Variants in RIOK3 observed in about 807,000 individuals in gnomAD.
The protein encoded by RIOK3 is RIO kinase 3, also known as serine/threonine-protein kinase RIO3.
Under a neutral mutation model 63.5 loss-of-function variants are expected in RIOK3, and 40 were observed. The observed-to-expected ratio is 0.63, with a 90% CI of 0.49 to 0.82. The LOEUF is 0.82. Ranked by LOEUF, RIOK3 falls within the 40% of genes least tolerant of loss-of-function variation. RIOK3 has a pLI of 0.00. For missense variants in RIOK3, 557 were observed against 637.0 expected (o/e 0.87, Z 1.35); for synonymous variants, 193 against 205.0 (o/e 0.94, Z 0.50).
At chr18:23,462,928 T>C in intron 1 of RIOK3, 36 bp from the exon 2 acceptor site, 1 of 913,404 alleles carries the variant, frequency 1.1e-6, no homozygotes, top group South Asian at 2.2e-5. Context: ...TATTTCATTA[T>C]GATGAATTGA....
At chr18:23,477,154 C>A in intron 10 of RIOK3, 25 bp from the exon 11 acceptor site, 1 of 1,607,170 alleles carries the variant, frequency 6.2e-7, no homozygotes, top group South Asian at 1.1e-5. Flanking sequence ...GTAAATACAT[C>A]AGTTCATGTT....
chr18:23,462,157 T>TTG (rs1555755481), intron 1 of RIOK3, among the ~76,000 whole-genome samples: 2 of 146,856 alleles, frequency 1.4e-5, no homozygotes, highest in East Asian at 2.0e-4. Context: ...TTTTTTTTTT[T>TTG]GGCAGGGGGT....
In RIOK3 at chr18:23,479,425, G is replaced by A; in HGVS notation, c.1452+1G>A. 6.3e-7 allele frequency: 1 copy of A among 1,598,808 alleles called. No homozygotes were observed. Among genetic ancestry groups the A allele is most frequent in the Non-Finnish European group, 8.6e-7 (1 of 1,166,290 alleles). On this transcript the variant is annotated splice_donor_variant, in intron 12 of 12. Coordinates refer to ENST00000339486, the MANE Select transcript of RIOK3 (RefSeq NM_003831.5). LOFTEE classifies it high-confidence loss of function. ...TAATGAAGCTGATTTTTTAGCTGAG[G>A]TATGTGATAAACAGCTGTTTTTCAC...
In RIOK3 at chr18:23,453,454, A is replaced by G. The variant is rs759255616; in HGVS notation, c.15A>G (p.Gly5=). Residue 5 remains glycine (G), a synonymous_variant, in exon 1 of 13, where the codon GGA becomes GGG. Coordinates refer to ENST00000339486, the MANE Select transcript of RIOK3 (RefSeq NM_003831.5). The stretch of plus-strand genomic sequence containing the variant: ...TTCATTCCCGAATGGATCTGGTAGG[A>G]GTGGCATCGCCTGAGCCCGGGACGG... MDLV[G]VASPEPGTAA... 20 of 1,613,518 alleles carry G rather than the reference A, an allele frequency of 1.2e-5. No individual in the cohort carries two copies. The highest frequency in any genetic ancestry group is 1.6e-5 in the Non-Finnish European group (19 of 1,179,780).
At chr18:23,480,611 G>T (rs1216271735) in intron 12 of RIOK3, among the ~76,000 whole-genome samples, 1 of 122,436 alleles carries the variant, frequency 8.2e-6, no homozygotes, top group Admixed American at 8.1e-5. Context: ...CAACTCAAAG[G>T]CAGAATCATT....
chr18:23,464,295 G>C lies in RIOK3; in HGVS notation c.415G>C (p.Asp139His). ...EDEVDWQDTRDDPYRPAKPVP... is the reference protein window; with the variant it reads ...EDEVDWQDTRHDPYRPAKPVP... ...TGAGGTTGACTGGCAGGATACTCGT[G>C]ATGATCCCTACAGACCAGGTACCAA... The change falls in exon 4 of 13, where the codon GAT (aspartate) becomes CAT (histidine). Residue 139 changes from aspartate to histidine, a missense_variant. By Grantham distance (81) the Asp-to-His change is moderately conservative. Transcript: ENST00000339486. 6.2e-7 allele frequency: 1 copy of C among 1,613,812 alleles called. No individual in the cohort carries two copies. Among genetic ancestry groups the C allele is most frequent in the Non-Finnish European group, 8.5e-7 (1 of 1,179,680 alleles).
At chr18:23,466,538 A>C (rs2145682178) in intron 6 of RIOK3, among the ~76,000 whole-genome samples, 1 of 151,976 alleles carries the variant, frequency 6.6e-6, no homozygotes, top group South Asian at 2.1e-4. Context: ...CTCACAAAAA[A>C]AATTAGCTGG....
At position 23,479,394 on chromosome 18, in the gene RIOK3, A is replaced by G. The variant is rs766697452; in HGVS notation, c.1422A>G (p.Thr474=). The G allele has an allele frequency of 1.9e-6, 3 of 1,613,676 alleles. No homozygotes were observed. Among genetic ancestry groups the G allele is most frequent in the Admixed American group, 3.3e-5 (2 of 60,022 alleles). Reference sequence around the variant, plus strand: ...ATGCTGTTTCAGGCTTAAACATCACAGCAGATAATGAAGCTGATTTTTTAG... The same window carrying G: ...ATGCTGTTTCAGGCTTAAACATCACGGCAGATAATGAAGCTGATTTTTTAG... ...LFNAVSGLNI[T]ADNEADFLAE... The change falls in exon 12 of 13, where the codon ACA becomes ACG. Residue 474 remains threonine, a synonymous_variant. Transcript: ENST00000339486.
intron 11 of RIOK3, among the ~76,000 whole-genome samples, chr18:23,477,766 C>CAA (rs538290499): frequency 3.6e-4 from 25 of 69,142 alleles, no homozygotes; most frequent in South Asian, 8.6e-4. Context: ...GGCTCCGTCT[C>CAA]AAAAAAAAAA....
intron 12 of RIOK3, among the ~76,000 whole-genome samples, chr18:23,480,555 G>GCATACACACA (rs1555621689): frequency 5.6e-5 from 8 of 141,990 alleles, no homozygotes; most frequent in African/African-American, 2.1e-4. Flanking sequence ...TTGGATGCAC[G>GCATACACACA]CACACACACA....
In RIOK3 at chr18:23,481,269, A is replaced by G. The variant is rs765490579; in HGVS notation, c.1550A>G (p.Tyr517Cys). 7.5e-6 allele frequency: 12 copies of G among 1,590,792 alleles called. No individual in the cohort carries two copies. The Middle Eastern group carries it at 5.0e-4, about 67-fold the overall frequency. ...LKDDGDPPLL[Y>C]DE ...GATGATGGAGACCCACCACTACTATATGATGAATAGCACTAATACCCACTG... is the reference window on the plus strand; with the variant it reads ...GATGATGGAGACCCACCACTACTATGTGATGAATAGCACTAATACCCACTG... The change falls in exon 13 of 13, where the codon TAT (tyrosine) becomes TGT (cysteine). Residue 517 changes from tyrosine (Y) to cysteine (C), a missense_variant. Tyr to Cys is a radical substitution (Grantham distance 194, BLOSUM62 -2). This residue lies in a region of RIOK3 where 309 missense variants were observed against 338.7 expected (regional missense o/e 0.91). Transcript: ENST00000339486.
intron 5 of RIOK3, among the ~76,000 whole-genome samples, chr18:23,465,776 A>G (rs976897797): frequency 3.9e-5 from 6 of 152,228 alleles, no homozygotes; most frequent in African/African-American, 1.4e-4. Flanking sequence ...CTCTCCACAA[A>G]TAATTACAAA....
intron 7 of RIOK3, among the ~76,000 whole-genome samples, chr18:23,468,293 C>CTTTTTTTTTTTTT (rs1245472469): frequency 4.3e-5 from 2 of 46,448 alleles, no homozygotes; most frequent in South Asian, 7.0e-4. Flanking sequence ...CAATATACTC[C>CTTTTTTTTTTTTT]TTTTTTTTTT....
In RIOK3 at chr18:23,482,064, C is replaced by T. The variant is rs2057538647; in HGVS notation, c.*785C>T. On this transcript the variant is annotated 3_prime_UTR_variant, in exon 13 of 13. Transcript: ENST00000339486. ...ATAAAATGTAAATTATCTGAAAGGA[C>T]AGAATATAAGATTTAACCATGTTTG... 1 of 152,060 alleles carries T rather than the reference C, an allele frequency of 6.6e-6. No individual in the cohort carries two copies. Among genetic ancestry groups the T allele is most frequent in the Admixed American group, 6.6e-5 (1 of 15,266 alleles). 9.4% of individuals were successfully genotyped at this position (152,060 alleles called of 1,614,324 possible).
intron 1 of RIOK3, among the ~76,000 whole-genome samples, chr18:23,457,122 A>G (rs532292254): frequency 1.3e-5 from 2 of 152,172 alleles, no homozygotes; most frequent in African/African-American, 4.8e-5. Flanking sequence ...CTATTATGAA[A>G]ATTTTGACTT....
intron 8 of RIOK3, among the ~76,000 whole-genome samples, chr18:23,474,562 C>T (rs2057476678): frequency 6.6e-6 from 1 of 152,170 alleles, no homozygotes; most frequent in Non-Finnish European, 1.5e-5. Flanking sequence ...CTCCTACTCA[C>T]AGATCCAGCT....
At chr18:23,464,752 AT>A in intron 5 of RIOK3, 124 bp downstream of exon 5, 1 of 508,332 alleles carries the variant, frequency 2.0e-6, no homozygotes, top group Non-Finnish European at 3.4e-6. Context: ...ATGTTTTTAG[AT>A]AACAATATGG....
intron 1 of RIOK3, among the ~76,000 whole-genome samples, chr18:23,458,638 T>C (rs1598802907): frequency 6.6e-6 from 1 of 151,498 alleles, no homozygotes; most frequent in South Asian, 2.1e-4. Flanking sequence ...ATGGAGGGCG[T>C]TTCCCCCATC....
chr18:23,479,107 G>C, intron 11 of RIOK3: 1 of 447,542 alleles, frequency 2.2e-6, no homozygotes, highest in South Asian at 2.7e-5. Flanking sequence ...GAGCCGCCAT[G>C]CCTGGCTGAG....
Sources: allele counts gnomAD v4.1 joint callset (sites outside exome capture counted in the v4.1 genomes callset), GRCh38; gene constraint gnomAD v4.1.1; regional missense constraint gnomAD v4.1.1; transcripts MANE v1.5; gene names NCBI Gene and HGNC (gene_info 2026-07-23, HGNC 2026-07-21).